CNKSR2: variants seen among roughly 807,000 people sequenced by gnomAD.
CNKSR2 encodes the protein connector enhancer of kinase suppressor of Ras 2.
A neutral mutation model predicts 84.4 loss-of-function variants in CNKSR2; 14 were observed. That is an observed-to-expected ratio of 0.17 (90% confidence interval 0.11 to 0.26). The LOEUF (loss-of-function observed/expected upper bound fraction) is 0.26. Among genes scored for constraint, CNKSR2 ranks in the 10% least tolerant of loss-of-function variants. The probability of loss-of-function intolerance (pLI) is 1.00; values close to 1 mark genes in which losing one functional copy is unlikely to be tolerated. For synonymous variants in CNKSR2, 275 were observed against 277.9 expected (o/e 0.99, Z 0.10); for missense variants, 485 against 771.2 (o/e 0.63, Z 4.40).
intron 1 of CNKSR2, among the ~76,000 whole-genome samples, chrX:21,398,286 A>G (rs1304372791): frequency 8.9e-6 from 1 of 112,063 alleles, no homozygotes; most frequent in Non-Finnish European, 1.9e-5. Context: ...TTTAATATTT[A>G]TATAGGTCTC....
intron 19 of CNKSR2, among the ~76,000 whole-genome samples, chrX:21,607,247 A>G (rs1158014958): frequency 8.9e-6 from 1 of 112,214 alleles, no homozygotes; most frequent in African/African-American, 3.2e-5. Context: ...TATGTCCTTT[A>G]GAATGAACTC....
At chrX:21,627,420 AC>A (rs2092628823) in intron 20 of CNKSR2, among the ~76,000 whole-genome samples, 1 of 110,926 alleles carries the variant, frequency 9.0e-6, no homozygotes. Context: ...AATGGTGTGA[AC>A]CCGGGAGGCG....
At chrX:21,523,692 T>G (rs1338069726) in intron 9 of CNKSR2, among the ~76,000 whole-genome samples, 3 of 110,526 alleles carry the variant, frequency 2.7e-5, no homozygotes, top group Non-Finnish European at 5.7e-5. Flanking sequence ...GAAGCTAAAT[T>G]TGTTACTTTC....
At chrX:21,390,262 C>T (rs2146963941) in intron 1 of CNKSR2, among the ~76,000 whole-genome samples, 1 of 111,388 alleles carries the variant, frequency 9.0e-6, no homozygotes, top group East Asian at 2.8e-4. Context: ...CACACATTTA[C>T]TTAGGGCAGA....
At chrX:21,414,590 C>T (rs1450885520) in intron 1 of CNKSR2, among the ~76,000 whole-genome samples, 1 of 110,935 alleles carries the variant, frequency 9.0e-6, no homozygotes, top group Non-Finnish European at 1.9e-5. Flanking sequence ...TTCATTTTTG[C>T]TTTGGTTGCC....
intron 4 of CNKSR2, among the ~76,000 whole-genome samples, chrX:21,446,743 G>A (rs1354554427): frequency 1.8e-5 from 2 of 111,267 alleles, no homozygotes; most frequent in Non-Finnish European, 3.8e-5. Context: ...ATCAGAAGGA[G>A]AATAGATGAG....
intron 5 of CNKSR2, among the ~76,000 whole-genome samples, chrX:21,474,084 T>C (rs538437420): frequency 1.8e-5 from 2 of 110,428 alleles, no homozygotes; most frequent in African/African-American, 6.6e-5. Context: ...TCTCTCCTTT[T>C]TATATGGACC....
At chrX:21,443,127 T>C (rs1436424749) in intron 4 of CNKSR2, among the ~76,000 whole-genome samples, 1 of 110,554 alleles carries the variant, frequency 9.0e-6, no homozygotes, top group Admixed American at 9.7e-5. Flanking sequence ...AACCTGCACA[T>C]GTACCCCTGA....
At chrX:21,484,295 CAAAA>C (rs1180440422) in intron 5 of CNKSR2, among the ~76,000 whole-genome samples, 1 of 106,150 alleles carries the variant, frequency 9.4e-6, no homozygotes, top group Non-Finnish European at 2.0e-5. Flanking sequence ...CGTTTCAAAA[CAAAA>C]CAAAACAAAA....
chrX:21,496,322 G>A (rs1688504558), intron 6 of CNKSR2, among the ~76,000 whole-genome samples: 1 of 111,486 alleles, frequency 9.0e-6, no homozygotes, highest in Non-Finnish European at 1.9e-5. Context: ...TTACCGATCA[G>A]TAAATAATGG....
chrX:21,468,828 A>C (rs1389629663), intron 4 of CNKSR2, among the ~76,000 whole-genome samples: 1 of 111,774 alleles, frequency 8.9e-6, no homozygotes, highest in Non-Finnish European at 1.9e-5. Flanking sequence ...TCCCATGCTA[A>C]AAATACTTAT....
chrX:21,603,703 A>G (rs2092497899), intron 18 of CNKSR2, among the ~76,000 whole-genome samples: 1 of 112,637 alleles, frequency 8.9e-6, no homozygotes, highest in African/African-American at 3.2e-5. Flanking sequence ...CTAATTGTCT[A>G]CTGATCATTT....
intron 13 of CNKSR2, among the ~76,000 whole-genome samples, chrX:21,571,782 A>G: frequency 8.9e-6 from 1 of 112,309 alleles, no homozygotes; most frequent in East Asian, 2.8e-4. Flanking sequence ...ATAAACATTC[A>G]TAATTAAATT....
chrX:21,407,625 A>G (rs977369175), intron 1 of CNKSR2, among the ~76,000 whole-genome samples: 6 of 111,439 alleles, frequency 5.4e-5, no homozygotes, highest in Admixed American at 1.9e-4. Flanking sequence ...TCTTTTATAT[A>G]TAAAATTTTC....
At chrX:21,453,950 C>T (rs941809509) in intron 4 of CNKSR2, among the ~76,000 whole-genome samples, 1 of 111,895 alleles carries the variant, frequency 8.9e-6, no homozygotes, top group African/African-American at 3.2e-5. Context: ...ATGATTTAAT[C>T]ACATCCCACC....
chrX:21,602,295 C>T (rs974355630), intron 18 of CNKSR2, among the ~76,000 whole-genome samples: 11 of 110,910 alleles, frequency 9.9e-5, no homozygotes, highest in Non-Finnish European at 1.7e-4. Context: ...AGGCACACAC[C>T]ACCACAACTG....
chrX:21,424,186 C>T (rs2090535855), intron 1 of CNKSR2: 1 of 111,512 alleles, frequency 9.0e-6, no homozygotes, highest in Non-Finnish European at 1.9e-5. Context: ...ACTTCCCATC[C>T]TCACCATTAT....
intron 2 of CNKSR2, among the ~76,000 whole-genome samples, chrX:21,430,688 A>G (rs1407745372): frequency 8.9e-6 from 1 of 112,308 alleles, no homozygotes; most frequent in Non-Finnish European, 1.9e-5. Context: ...ATTTTCATTT[A>G]CAATTACATT....
intron 20 of CNKSR2, chrX:21,644,875 A>C (rs2092702345): frequency 8.9e-6 from 1 of 112,268 alleles, no homozygotes; most frequent in Non-Finnish European, 1.9e-5. Context: ...AAGTGTTTTA[A>C]CTAATAAGAG....
Sources: allele counts gnomAD v4.1 joint callset (sites outside exome capture counted in the v4.1 genomes callset), GRCh38; gene constraint gnomAD v4.1.1; transcripts MANE v1.5; gene names NCBI Gene and HGNC (gene_info 2026-07-23, HGNC 2026-07-21).